Variants in MTRF1 observed in about 807,000 individuals in gnomAD.
MTRF1 encodes the protein mitochondrial translation release factor 1.
A neutral mutation model predicts 62.9 loss-of-function variants in MTRF1; 51 were observed. The ratio of observed to expected loss-of-function variants is 0.81; its 90% confidence interval spans 0.65 to 1.02. MTRF1 has a LOEUF of 1.02. Among genes scored for constraint, MTRF1 ranks in the 50% least tolerant of loss-of-function variants. The pLI, the probability that MTRF1 is intolerant of heterozygous loss-of-function variation, is 0.00. For synonymous variants in MTRF1, 158 were observed against 181.9 expected (o/e 0.87, Z 1.06); for missense variants, 446 against 530.0 (o/e 0.84, Z 1.56).
chr13:41,303,665 C>T, the MTRF1 span, among the ~76,000 whole-genome samples: 2 of 152,112 alleles, frequency 1.3e-5, no homozygotes, highest in Admixed American at 1.3e-4. Flanking sequence ...AAAACTGAGG[C>T]TGGGACTTGC....
At chr13:41,273,643 G>A in the MTRF1 span, among the ~76,000 whole-genome samples, 3 of 151,938 alleles carry the variant, frequency 2.0e-5, no homozygotes, top group Non-Finnish European at 4.4e-5. Flanking sequence ...TTTGAGACCA[G>A]CATGATCAAC....
rs770557598 is a variant in MTRF1, at chr13:41,223,273, C to T, written c.1207G>A (p.Glu403Lys). 1.2e-6 allele frequency: 2 copies of T among 1,613,226 alleles called. No homozygotes were observed. The highest frequency in any genetic ancestry group is 4.5e-5 in the East Asian group (2 of 44,844). Residue 403 changes from glutamate (E) to lysine (K), a missense_variant, in exon 9 of 10, where the codon GAA becomes AAA. By Grantham distance (56) the Glu-to-Lys change is moderately conservative. Coordinates refer to ENST00000379480, the MANE Select transcript of MTRF1 (RefSeq NM_004294.4). ...AGTATTACCTTAATATCACGAACTT[C>T]ATATGCTATCCTGTGGTCACTGACT... ...DRVSDHRIAYEVRDIKEFLCG... is the reference protein window; with the variant it reads ...DRVSDHRIAYKVRDIKEFLCG...
chr13:41,234,036 C>T (rs770902440), intron 6 of MTRF1, 29 bp from the exon 7 acceptor site: 18 of 1,475,498 alleles, frequency 1.2e-5, no homozygotes, highest in Non-Finnish European at 1.7e-5. Flanking sequence ...CATAATTCTA[C>T]ACTCCGTGAA....
chr13:41,225,227 A>AAC lies in MTRF1; in HGVS notation c.1125+1203_1125+1204dup, dbSNP rs1555246373. ...TCTGTCTCAAAAAAAAAAAAAAAAA[A>AAC]ACTTTGTGCAACGCCTGGTGCCAAA... On this transcript the variant is annotated intron_variant, in intron 8 of 9. Coordinates refer to ENST00000379480, the MANE Select transcript of MTRF1 (RefSeq NM_004294.4). Among the ~76,000 whole-genome samples the AAC allele has an allele frequency of 8.9e-4, 135 of 151,642 alleles. 1 individual carries two copies. Among genetic ancestry groups the AAC allele is most frequent in the Middle Eastern group, 3.4e-3 (1 of 294 alleles).
intron 9 of MTRF1, among the ~76,000 whole-genome samples, chr13:41,219,329 T>C (rs1017040348): frequency 6.6e-6 from 1 of 151,924 alleles, no homozygotes; most frequent in Non-Finnish European, 1.5e-5. Flanking sequence ...CTCAAATTAT[T>C]ATAGTATTGC....
intron 6 of MTRF1, among the ~76,000 whole-genome samples, chr13:41,239,650 T>G (rs1386244854): frequency 6.6e-6 from 1 of 152,216 alleles, no homozygotes; most frequent in Non-Finnish European, 1.5e-5. Context: ...ATACTGATAT[T>G]ATACAACTGA....
At chr13:41,264,518 T>C (rs2040774267), upstream of MTRF1, among the ~76,000 whole-genome samples, 1 of 152,256 alleles carries the variant, frequency 6.6e-6, no homozygotes, top group African/African-American at 2.4e-5. Flanking sequence ...ATGTACCATA[T>C]TACTGACTTT....
At chr13:41,272,165 T>G in the MTRF1 span, among the ~76,000 whole-genome samples, 6 of 152,152 alleles carry the variant, frequency 3.9e-5, no homozygotes, top group Non-Finnish European at 5.9e-5. Context: ...CTAAGAACAA[T>G]CTGCTCATGA....
At chr13:41,244,426 T>G (rs2037963769) in intron 5 of MTRF1, among the ~76,000 whole-genome samples, 2 of 152,194 alleles carry the variant, frequency 1.3e-5, no homozygotes, top group African/African-American at 2.4e-5. Flanking sequence ...GATGTGCACA[T>G]GGTTTCAAAT....
the MTRF1 span, among the ~76,000 whole-genome samples, chr13:41,289,841 G>A: frequency 5.9e-5 from 9 of 152,086 alleles, no homozygotes; most frequent in African/African-American, 1.7e-4. Flanking sequence ...CACAACCAAC[G>A]CTTCAAAAGT....
At chr13:41,273,216 C>G in the MTRF1 span, among the ~76,000 whole-genome samples, 2 of 151,892 alleles carry the variant, frequency 1.3e-5, no homozygotes, top group Non-Finnish European at 2.9e-5. Flanking sequence ...GTCCCAGTTG[C>G]TCGGGAGCCC....
chr13:41,217,651 A>C (rs2032170013), intron 9 of MTRF1, among the ~76,000 whole-genome samples: 1 of 152,236 alleles, frequency 6.6e-6, no homozygotes, highest in Admixed American at 6.5e-5. Flanking sequence ...TCTTGTCCTG[A>C]AAATTCTACC....
chr13:41,268,215 G>A (rs2139250851), upstream of MTRF1, among the ~76,000 whole-genome samples: 1 of 152,188 alleles, frequency 6.6e-6, no homozygotes, highest in South Asian at 2.1e-4. Flanking sequence ...AGATAGTAAT[G>A]GTATGGGAGT....
chr13:41,248,756 A>G (rs773135789), intron 5 of MTRF1, among the ~76,000 whole-genome samples: 22 of 152,380 alleles, frequency 1.4e-4, no homozygotes, highest in Middle Eastern at 3.4e-3. Flanking sequence ...ATAACAAAAC[A>G]TAATTATAAA....
In MTRF1 at chr13:41,247,041, T is replaced by A. The variant is rs150524000; in HGVS notation, c.697+5604A>T. Among the ~76,000 whole-genome samples, 515 of 152,364 alleles carry A rather than the reference T, an allele frequency of 3.4e-3. 2 individuals are homozygous for A. Among genetic ancestry groups the A allele is most frequent in the South Asian group, 0.013 (65 of 4,830 alleles). On this transcript the variant is annotated intron_variant, in intron 5 of 9. Transcript: ENST00000379480. ...TTCACACTGAAGAGTATATGAGTAG[T>A]GCCTCAAGGCATATGCAGGCATACA...
chr13:41,270,890 ACCAT>A, the MTRF1 span, among the ~76,000 whole-genome samples: 6 of 152,082 alleles, frequency 3.9e-5, no homozygotes, highest in Admixed American at 2.0e-4. Context: ...GGCATGCGCC[ACCAT>A]GCCCGGCTAA....
intron 2 of MTRF1, among the ~76,000 whole-genome samples, chr13:41,259,889 AAAT>A (rs916347502): frequency 1.4e-4 from 21 of 152,084 alleles, no homozygotes; most frequent in Admixed American, 9.2e-4. Context: ...AACAATACTT[AAAT>A]AAGTTTCTCT....
At chr13:41,260,970 A>G (rs3818722) in intron 1 of MTRF1, 55 bp from the exon 2 acceptor site, 326,724 of 1,420,398 alleles carry the variant, frequency 0.23, 39,226 homozygotes, top group Middle Eastern at 0.25. Context: ...AGATACATGC[A>G]TAATAAACCT....
chr13:41,255,807 G>C (rs2039635976), intron 2 of MTRF1, among the ~76,000 whole-genome samples: 1 of 152,130 alleles, frequency 6.6e-6, no homozygotes, highest in Non-Finnish European at 1.5e-5. Context: ...GTTAAATCAT[G>C]GAACTCTAGC....
Sources: allele counts gnomAD v4.1 joint callset (sites outside exome capture counted in the v4.1 genomes callset), GRCh38; gene constraint gnomAD v4.1.1; transcripts MANE v1.5; gene names NCBI Gene and HGNC (gene_info 2026-07-23, HGNC 2026-07-21).